ARHGAP8: variants seen among roughly 807,000 people sequenced by gnomAD.
ARHGAP8 encodes the protein rho GTPase-activating protein 8.
ARHGAP8 carries 62 observed loss-of-function variants against 46.1 expected under a neutral mutation model. The observed-to-expected ratio is 1.34, with a 90% CI of 1.10 to 1.66. The LOEUF (loss-of-function observed/expected upper bound fraction) is 1.66. ARHGAP8 is among the 40% of genes most tolerant of loss of function. The probability of loss-of-function intolerance (pLI) is 0.00; values close to 1 mark genes in which losing one functional copy is unlikely to be tolerated. For synonymous variants in ARHGAP8, 375 were observed against 243.1 expected, an observed-to-expected ratio of 1.54 and a Z score of -5.05; for missense variants, 923 against 568.4, an observed-to-expected ratio of 1.62 and a Z score of -6.34.
At chr22:44,809,257 C>T (rs766208344) in intron 4 of ARHGAP8, 8 of 442,338 alleles carry the variant, frequency 1.8e-5, no homozygotes, top group South Asian at 1.0e-4. Context: ...GTCATTTTCA[C>T]GTGTCATGAA....
Position 44,862,713 on chromosome 22 carries a change from A to G in ARHGAP8, c.*118A>G, listed in dbSNP as rs1382712541. ...CCATTAGATGAATTCAGAACCTTCT[A>G]ATGAAAACTCCATGCCTCTGGTCCT... On this transcript the variant is annotated 3_prime_UTR_variant, in exon 12 of 12. Coordinates refer to ENST00000356099, the MANE Select transcript of ARHGAP8 (RefSeq NM_181335.3). 3 of 1,254,302 alleles carry G rather than the reference A, an allele frequency of 2.4e-6. No individual in the cohort carries two copies. Among genetic ancestry groups the G allele is most frequent in the East Asian group, 2.5e-5 (1 of 39,380 alleles). The allele number at this position is 1,254,302 out of a possible 1,614,324, so 77.7% of individuals were successfully genotyped here. A position where few individuals can be genotyped will look rare whatever the true frequency, so the allele number is the denominator to read the frequency against.
intron 11 of ARHGAP8, 64 bp from the exon 12 acceptor site, chr22:44,862,211 G>A (rs574895116): frequency 1.3e-6 from 2 of 1,528,002 alleles, no homozygotes; most frequent in East Asian, 4.5e-5. Context: ...AGTTCGGGAG[G>A]GAGTTCCAGG....
At position 44,825,629 on chromosome 22, in the gene ARHGAP8, T is replaced by C. The variant is rs746039669; in HGVS notation, c.596+36T>C. ...CGGGGATGTGCCTGCTCCTATGCCC[T>C]GGAGCCCTGGGAGCTGTGGGGCGCT... On this transcript the variant is annotated intron_variant, in intron 7 of 11. Transcript: ENST00000356099. 2.5e-6 allele frequency: 4 copies of C among 1,586,576 alleles called. No homozygotes were observed. In the African/African-American group the frequency reaches 4.1e-5, roughly 16 times the overall value.
chr22:44,782,574 T>C (rs1428584575), intron 1 of ARHGAP8, among the ~76,000 whole-genome samples: 2 of 152,160 alleles, frequency 1.3e-5, no homozygotes, highest in East Asian at 1.9e-4. Context: ...GGACGCTTCA[T>C]GTAAATGGGA....
chr22:44,861,868 G>A (rs1324395664), intron 11 of ARHGAP8, among the ~76,000 whole-genome samples: 8 of 152,268 alleles, frequency 5.3e-5, no homozygotes, highest in East Asian at 3.9e-4. Context: ...CCCTCGTAGT[G>A]GCCCCTAGAT....
chr22:44,820,712 A>T (rs541466168), intron 5 of ARHGAP8, among the ~76,000 whole-genome samples: 1 of 152,226 alleles, frequency 6.6e-6, no homozygotes, highest in Non-Finnish European at 1.5e-5. Context: ...TCCCTGGCCT[A>T]CCTGGCAGTG....
chr22:44,849,803 T>TA (rs2070050115), intron 10 of ARHGAP8: 1 of 152,220 alleles, frequency 6.6e-6, no homozygotes, highest in Non-Finnish European at 1.5e-5. Flanking sequence ...TCTTGAATCT[T>TA]AAAATCAATG....
intron 10 of ARHGAP8, among the ~76,000 whole-genome samples, chr22:44,859,295 G>A (rs532676731): frequency 6.6e-6 from 1 of 152,280 alleles, no homozygotes; most frequent in African/African-American, 2.4e-5. Flanking sequence ...TCATGGGTTG[G>A]TGCTGTCCTC....
intron 2 of ARHGAP8, among the ~76,000 whole-genome samples, chr22:44,788,403 G>C (rs541700531): frequency 1.7e-4 from 26 of 151,062 alleles, no homozygotes; most frequent in African/African-American, 5.6e-4. Flanking sequence ...ATAGGCATGA[G>C]CCACCATCCC....
intron 10 of ARHGAP8, chr22:44,850,492 C>T (rs1309693311): frequency 6.6e-6 from 1 of 152,202 alleles, no homozygotes; most frequent in Non-Finnish European, 1.5e-5. Flanking sequence ...TAGAGAGAAG[C>T]TTCCAGAAGC....
At chr22:44,859,128 G>A (rs564717880) in intron 10 of ARHGAP8, among the ~76,000 whole-genome samples, 14 of 152,294 alleles carry the variant, frequency 9.2e-5, no homozygotes, top group South Asian at 8.3e-4. Flanking sequence ...CAGCTTCCTG[G>A]AAGGTGGTGC....
At position 44,845,326 on chromosome 22, in the gene ARHGAP8, G is replaced by T. The variant is rs146372974; in HGVS notation, c.654G>T (p.Thr218=). ...CCCCTGTGCTGAGGTTCACAGTGAC[G>T]TACCTGAGAGAGAAAGGTGAGACGG... is the stretch of plus-strand genomic sequence containing the variant. ...LIPPVLRFTV[T]YLREKGLRTE... Residue 218 remains threonine (T), a synonymous_variant, in exon 8 of 12, where the codon ACG becomes ACT. Transcript: ENST00000356099. 111 of 1,614,048 alleles carry T rather than the reference G, an allele frequency of 6.9e-5. No individual in the cohort carries two copies. The highest frequency in any genetic ancestry group is 8.4e-5 in the Non-Finnish European group (99 of 1,180,000).
rs1264473110 is a variant in ARHGAP8 at position 44,847,878 on chromosome 22, G to A, written c.671-95G>A. 4.0e-6 allele frequency: 6 copies of A among 1,503,846 alleles called. No individual in the cohort carries two copies. In the African/African-American group the frequency reaches 8.2e-5, roughly 21 times the overall value. 93.2% of individuals were successfully genotyped at this position (1,503,846 alleles called of 1,614,324 possible). On this transcript the variant is annotated intron_variant, in intron 8 of 11. Transcript: ENST00000356099. ...AATAAATGTGTGGAGGCCAGCCACA[G>A]GTGGGTGATGCCGTGGGCAGGGGAG...
intron 7 of ARHGAP8, among the ~76,000 whole-genome samples, chr22:44,826,865 G>A (rs1450165741): frequency 6.6e-6 from 1 of 152,210 alleles, no homozygotes; most frequent in African/African-American, 2.4e-5. Context: ...GGGGTTAGAG[G>A]GAAGTGGATT....
chr22:44,843,773 C>G (rs912082628), intron 7 of ARHGAP8, among the ~76,000 whole-genome samples: 1 of 138,088 alleles, frequency 7.2e-6, no homozygotes, highest in African/African-American at 2.8e-5. Flanking sequence ...TGCAGCTAGC[C>G]AAGATCACAC....
At chr22:44,827,986 G>A (rs946485541) in intron 7 of ARHGAP8, among the ~76,000 whole-genome samples, 1 of 152,126 alleles carries the variant, frequency 6.6e-6, no homozygotes, top group African/African-American at 2.4e-5. Context: ...GCTCGCGTGC[G>A]GCTAGTGCAG....
intron 1 of ARHGAP8, among the ~76,000 whole-genome samples, chr22:44,778,982 C>G (rs1212450485): frequency 6.6e-6 from 1 of 152,044 alleles, no homozygotes; most frequent in East Asian, 1.9e-4. Flanking sequence ...CAGCTACCAT[C>G]AGTTCAAAAG....
At chr22:44,856,252 CCCTTTTTTTT>C (rs2070219336) in intron 10 of ARHGAP8, among the ~76,000 whole-genome samples, 1 of 123,624 alleles carries the variant, frequency 8.1e-6, no homozygotes, top group African/African-American at 3.5e-5. Context: ...GCTATAAATT[CCCTTTTTTTT>C]TTTTTTTTTT....
chr22:44,781,081 G>A (rs765621347), intron 1 of ARHGAP8, among the ~76,000 whole-genome samples: 2 of 152,158 alleles, frequency 1.3e-5, no homozygotes, highest in Non-Finnish European at 2.9e-5. Flanking sequence ...GTGCGCTGCC[G>A]GCGGCTGCCG....
Sources: gnomAD v4.1 joint callset for allele counts (sites outside exome capture counted in the v4.1 genomes callset) on GRCh38, gnomAD v4.1.1 for gene constraint, MANE v1.5 for transcripts, NCBI Gene and HGNC (gene_info 2026-07-23, HGNC 2026-07-21) for gene names.